The following TRPC4 variants were observed in gnomAD, a reference collection of about 807,000 sequenced individuals.
The protein encoded by TRPC4 is transient receptor potential cation channel subfamily C member 4.
TRPC4 carries 49 observed loss-of-function variants against 99.4 expected under a neutral mutation model. The observed-to-expected ratio is 0.49, with a 90% CI of 0.39 to 0.63. The LOEUF is 0.63. Ranked by LOEUF, TRPC4 falls within the 20% of genes least tolerant of loss-of-function variation. TRPC4 has a pLI of 0.00. For synonymous variants in TRPC4, 454 were observed against 425.9 expected, an observed-to-expected ratio of 1.07 and a Z score of -0.81; for missense variants, 898 against 1,152.9, an observed-to-expected ratio of 0.78 and a Z score of 3.20.
intron 2 of TRPC4, among the ~76,000 whole-genome samples, chr13:37,765,816 A>G (rs1956349049): frequency 6.6e-6 from 1 of 151,390 alleles, no homozygotes; most frequent in Admixed American, 6.6e-5. Flanking sequence ...AAATAGAATT[A>G]TTTTGATTAA....
intron 8 of TRPC4, among the ~76,000 whole-genome samples, chr13:37,650,576 C>A (rs1952008102): frequency 6.8e-6 from 1 of 147,980 alleles, no homozygotes; most frequent in South Asian, 2.1e-4. Context: ...CTCTCTCTCT[C>A]TTCTGTCTCT....
At chr13:37,651,555 T>C in intron 7 of TRPC4, 96 bp from the exon 8 acceptor site, 1 of 1,098,304 alleles carries the variant, frequency 9.1e-7, no homozygotes, top group Middle Eastern at 2.9e-4. Context: ...CAAGCGGCTC[T>C]TGGAACATTA....
In TRPC4 at chr13:37,651,252, G is replaced by A. The variant is rs1191232298; in HGVS notation, c.2079+13C>T. On this transcript the variant is annotated intron_variant, in intron 8 of 10. Coordinates refer to ENST00000379705, the MANE Select transcript of TRPC4 (RefSeq NM_016179.4). The stretch of plus-strand genomic sequence containing the variant: ...TTTAAAAAAAGAGTAATACTAACAT[G>A]CTGTGTTCTTACCCCTATTGTTCCA... The A allele has an allele frequency of 6.2e-7, 1 of 1,613,616 alleles. No individual in the cohort carries two copies. Among genetic ancestry groups the A allele is most frequent in the Non-Finnish European group, 8.5e-7 (1 of 1,179,642 alleles).
intron 6 of TRPC4, 142 bp downstream of exon 6, chr13:37,663,274 T>C: frequency 1.1e-5 from 7 of 666,456 alleles, no homozygotes; most frequent in Non-Finnish European, 1.6e-5. Flanking sequence ...TTCAAAGCCA[T>C]GTTAATTCTG....
In TRPC4 at chr13:37,843,091, G is replaced by C. The variant is rs1025403498; in HGVS notation, c.-28+26504C>G. 3.3e-5 allele frequency among the ~76,000 whole-genome samples: 5 copies of C among 152,156 alleles called. No homozygotes were observed. In the South Asian group the frequency reaches 8.3e-4, roughly 25 times the overall value. On this transcript the variant is annotated intron_variant, in intron 1 of 10. Coordinates refer to ENST00000379705, the MANE Select transcript of TRPC4 (RefSeq NM_016179.4). The stretch of plus-strand genomic sequence containing the variant: ...TATAGCACAATGGTTAATAAACTTG[G>C]CTTTGGAATTTGTGAAGTTTGGGTT...
chr13:37,852,880 G>T (rs1014916053), intron 1 of TRPC4, among the ~76,000 whole-genome samples: 2 of 152,174 alleles, frequency 1.3e-5, no homozygotes, highest in Non-Finnish European at 2.9e-5. Flanking sequence ...TCCTTTGCCT[G>T]TGAAAAGGAG....
At chr13:37,646,824 G>A (rs1951872691) in intron 8 of TRPC4, among the ~76,000 whole-genome samples, 1 of 152,174 alleles carries the variant, frequency 6.6e-6, no homozygotes, top group Non-Finnish European at 1.5e-5. Context: ...TTAAGAGTAT[G>A]TTTCTTATTT....
At chr13:37,844,151 A>G (rs1958818311) in intron 1 of TRPC4, among the ~76,000 whole-genome samples, 1 of 152,240 alleles carries the variant, frequency 6.6e-6, no homozygotes, top group Admixed American at 6.5e-5. Context: ...TTAGAAACAA[A>G]GAACAGAGAT....
chr13:37,661,744 T>C (rs920802000), intron 6 of TRPC4, among the ~76,000 whole-genome samples: 6 of 151,712 alleles, frequency 4.0e-5, no homozygotes, highest in African/African-American at 1.2e-4. Context: ...GTCTGACCAT[T>C]GTAAATCTCT....
chr13:37,703,327 TTGA>T (rs1306926247), intron 3 of TRPC4, among the ~76,000 whole-genome samples: 2 of 152,118 alleles, frequency 1.3e-5, no homozygotes, highest in African/African-American at 4.8e-5. Context: ...GTTTATTGTG[TTGA>T]TAAGTGGTAC....
chr13:37,717,828 C>T (rs1050232403), intron 3 of TRPC4, among the ~76,000 whole-genome samples: 3 of 151,912 alleles, frequency 2.0e-5, no homozygotes, highest in Non-Finnish European at 4.4e-5. Flanking sequence ...GACCAACCCC[C>T]CCGAAAAGAA....
chr13:37,863,299 C>T (rs1959511757), intron 1 of TRPC4, among the ~76,000 whole-genome samples: 1 of 151,566 alleles, frequency 6.6e-6, no homozygotes, highest in Admixed American at 6.6e-5. Context: ...TATAGGGACA[C>T]TGACATATTC....
chr13:37,786,289 G>GACACACACACACACACACAC (rs10549960), intron 1 of TRPC4, among the ~76,000 whole-genome samples: 1 of 140,972 alleles, frequency 7.1e-6, no homozygotes, highest in Non-Finnish European at 1.5e-5. Context: ...CAGGGAGAAA[G>GACACACACACACACACACAC]ACACACACAC....
chr13:37,846,429 A>T (rs1266202028), intron 1 of TRPC4, among the ~76,000 whole-genome samples: 3 of 152,146 alleles, frequency 2.0e-5, no homozygotes, highest in Non-Finnish European at 4.4e-5. Context: ...TTTGGCATTA[A>T]ATTAATAAAA....
chr13:37,669,498 C>G (rs1012306164), intron 5 of TRPC4, among the ~76,000 whole-genome samples: 4 of 152,144 alleles, frequency 2.6e-5, no homozygotes, highest in Admixed American at 2.6e-4. Flanking sequence ...TCAAGATACT[C>G]AAGAAAACAC....
At chr13:37,765,722 A>G (rs1956346388) in intron 2 of TRPC4, among the ~76,000 whole-genome samples, 1 of 151,462 alleles carries the variant, frequency 6.6e-6, no homozygotes, top group African/African-American at 2.4e-5. Flanking sequence ...TCCAATATAA[A>G]TGAAGGGCGT....
At chr13:37,825,279 C>G (rs1358553023) in intron 1 of TRPC4, among the ~76,000 whole-genome samples, 5 of 151,508 alleles carry the variant, frequency 3.3e-5, no homozygotes, top group African/African-American at 1.2e-4. Flanking sequence ...TCCTTCAGGT[C>G]TGCTCTGATT....
chr13:37,745,502 A>T (rs1234767311), intron 3 of TRPC4, among the ~76,000 whole-genome samples: 1 of 131,948 alleles, frequency 7.6e-6, no homozygotes, highest in African/African-American at 3.0e-5. Flanking sequence ...ATATATACGT[A>T]TATATGTATA....
At chr13:37,768,924 A>G (rs888571902) in intron 2 of TRPC4, among the ~76,000 whole-genome samples, 2 of 151,418 alleles carry the variant, frequency 1.3e-5, no homozygotes, top group Admixed American at 1.3e-4. Flanking sequence ...TCATCCTACA[A>G]TGTAATTTTA....
Sources: gnomAD v4.1 joint callset for allele counts (sites outside exome capture counted in the v4.1 genomes callset) on GRCh38, gnomAD v4.1.1 for gene constraint, MANE v1.5 for transcripts, NCBI Gene and HGNC (gene_info 2026-07-23, HGNC 2026-07-21) for gene names.